Variants in RUFY1 observed in about 807,000 individuals in gnomAD.
The protein encoded by RUFY1 is RUN and FYVE domain-containing protein 1.
Under a neutral mutation model 94.6 loss-of-function variants are expected in RUFY1, and 54 were observed. The observed-to-expected ratio is 0.57, with a 90% confidence interval of 0.46 to 0.72. The LOEUF is 0.72. Among genes scored for constraint, RUFY1 ranks in the 30% least tolerant of loss-of-function variants. The probability of loss-of-function intolerance (pLI) is 0.00; values close to 1 mark genes in which losing one functional copy is unlikely to be tolerated. For synonymous variants in RUFY1, 396 were observed against 347.3 expected, an observed-to-expected ratio of 1.14 and a Z score of -1.56; for missense variants, 883 against 883.9, an observed-to-expected ratio of 1.00 and a Z score of 0.01.
chr5:179,605,123 A>G (rs902523967), intron 15 of RUFY1, among the ~76,000 whole-genome samples: 1 of 152,098 alleles, frequency 6.6e-6, no homozygotes, highest in Non-Finnish European at 1.5e-5. Flanking sequence ...TAGAAAAAAT[A>G]CAAAAATTAG....
At chr5:179,590,393 T>C (rs1278517287) in intron 9 of RUFY1, among the ~76,000 whole-genome samples, 1 of 151,880 alleles carries the variant, frequency 6.6e-6, no homozygotes, top group African/African-American at 2.4e-5. Context: ...GACTTCTAAA[T>C]TCACTCAGTG....
At chr5:179,596,451 A>G in intron 12 of RUFY1, 111 bp from the exon 13 acceptor site, 2 of 1,366,936 alleles carry the variant, frequency 1.5e-6, no homozygotes, top group Admixed American at 3.4e-5. Flanking sequence ...TAAAACTCAC[A>G]AGAGTTAATT....
chr5:179,567,405 T>G, intron 3 of RUFY1, 56 bp from the exon 4 acceptor site: 2 of 1,323,044 alleles, frequency 1.5e-6, no homozygotes, highest in South Asian at 2.4e-5. Flanking sequence ...ATCAGGTGTC[T>G]TTTCTGTGTT....
At chr5:179,579,174 T>C (rs924134473) in intron 6 of RUFY1, among the ~76,000 whole-genome samples, 1 of 152,172 alleles carries the variant, frequency 6.6e-6, no homozygotes, top group African/African-American at 2.4e-5. Flanking sequence ...TCTGAGTGCC[T>C]GGCAGTGCAC....
chr5:179,591,803 A>G (rs1444739468), intron 10 of RUFY1, 62 bp downstream of exon 10: 2 of 968,780 alleles, frequency 2.1e-6, no homozygotes, highest in African/African-American at 1.7e-5. Flanking sequence ...TTCTGTCAAC[A>G]CTTTTCATAG....
intron 5 of RUFY1, among the ~76,000 whole-genome samples, chr5:179,572,954 G>A (rs1763332286): frequency 6.6e-6 from 1 of 152,194 alleles, no homozygotes; most frequent in Admixed American, 6.5e-5. Context: ...ATAGTGTGAA[G>A]TAGGAATCTA....
chr5:179,598,908 C>G, intron 14 of RUFY1, 87 bp downstream of exon 14: 1 of 1,489,408 alleles, frequency 6.7e-7, no homozygotes, highest in East Asian at 2.3e-5. Context: ...CTCCCCGCAC[C>G]CTTTGTGTGG....
In RUFY1 at chr5:179,569,365, G is replaced by A; in HGVS notation, c.768G>A (p.Leu256=). The A allele has an allele frequency of 1.9e-6, 3 of 1,613,644 alleles. No homozygotes were observed. The highest frequency in any genetic ancestry group is 2.5e-6 in the Non-Finnish European group (3 of 1,179,960). ...EEEGMVIVGL[L]VGLNVLDANL... is the part of the protein sequence containing the mutation. The stretch of plus-strand genomic sequence containing the variant: ...AAGGGATGGTGATTGTTGGTCTGCT[G>A]GTGGGACTCAATGTTCTCGATGCCA... Residue 256 remains leucine (L), a synonymous_variant, in exon 5 of 18, where the codon CTG becomes CTA. Transcript: ENST00000319449.
At chr5:179,589,974 T>A (rs1450276366) in intron 9 of RUFY1, among the ~76,000 whole-genome samples, 1 of 152,122 alleles carries the variant, frequency 6.6e-6, no homozygotes, top group East Asian at 1.9e-4. Flanking sequence ...TTCCCATTGC[T>A]CTTTGTGTCC....
chr5:179,609,563 C>CTG lies in RUFY1; in HGVS notation c.*47_*48dup, dbSNP rs1562136319. ...ACAGCCTCACGGACAGTGCCAAACC[C>CTG]TGTGGGTCTCCAGGGGCTTGGGAAA... On this transcript the variant is annotated 3_prime_UTR_variant, in exon 18 of 18. Transcript: ENST00000319449. 1 of 1,522,096 alleles carries CTG rather than the reference C, an allele frequency of 6.6e-7. No individual in the cohort carries two copies. Among genetic ancestry groups the CTG allele is most frequent in the East Asian group, 2.4e-5 (1 of 40,992 alleles). 94.3% of individuals were successfully genotyped at this position (1,522,096 alleles called of 1,614,324 possible). A position where few individuals can be genotyped will look rare whatever the true frequency, so the allele number is the denominator to read the frequency against.
At position 179,596,643 on chromosome 5, in the gene RUFY1, C is replaced by T. The variant is rs775220160; in HGVS notation, c.1593C>T (p.Gly531=). ...AGCAGGAGCTGGGCGGGAGGATCGG[C>T]GCCCTGCAGCTGCAGCTCTCCCAGC... The part of the protein sequence containing the change: ...KLQQELGGRI[G]ALQLQLSQLH... The change falls in exon 13 of 18, where the codon GGC becomes GGT. Residue 531 remains glycine, a synonymous_variant. Transcript: ENST00000319449. 5 of 1,609,530 alleles carry T rather than the reference C, an allele frequency of 3.1e-6. No homozygotes were observed. Among genetic ancestry groups the T allele is most frequent in the African/African-American group, 2.7e-5 (2 of 74,752 alleles).
At chr5:179,569,767 C>T (rs139189743) in intron 5 of RUFY1, among the ~76,000 whole-genome samples, 30 of 152,068 alleles carry the variant, frequency 2.0e-4, no homozygotes, top group African/African-American at 7.0e-4. Context: ...TTTTTTGAGA[C>T]GGAGTCTCGT....
intron 13 of RUFY1, 38 bp downstream of exon 13, chr5:179,596,719 T>C (rs748411187): frequency 6.6e-6 from 9 of 1,359,010 alleles, no homozygotes; most frequent in Non-Finnish European, 8.6e-6. Flanking sequence ...GGGGTGTGGC[T>C]CAGGAGGGAC....
chr5:179,563,535 C>G (rs983928153), intron 3 of RUFY1, among the ~76,000 whole-genome samples: 5 of 152,220 alleles, frequency 3.3e-5, no homozygotes, highest in Non-Finnish European at 5.9e-5. Flanking sequence ...CTCCAAATCC[C>G]ATGAAACTCC....
Position 179,594,887 on chromosome 5 carries a change from C to A in RUFY1, c.1435C>A (p.Gln479Lys). Residue 479 changes from glutamine (Q) to lysine (K), a missense_variant, in exon 12 of 18, where the codon CAG becomes AAG. By Grantham distance (53) the Gln-to-Lys change is moderately conservative (BLOSUM62 1). Transcript: ENST00000319449. ...GTAGAATGCAGAGAGCAGTTTGCAG[C>A]AGAAGAATGAAGCCATCACATCCTT... ...KAQNAESSLQ[Q>K]KNEAITSFEG... 6.2e-7 allele frequency: 1 copy of A among 1,612,502 alleles called. No homozygotes were observed. The highest frequency in any genetic ancestry group is 8.5e-7 in the Non-Finnish European group (1 of 1,179,180).
chr5:179,568,105 A>T (rs1161031390), intron 4 of RUFY1, among the ~76,000 whole-genome samples: 1 of 150,948 alleles, frequency 6.6e-6, no homozygotes, highest in Non-Finnish European at 1.5e-5. Context: ...TTAGCTGGGC[A>T]TGGTGGCATA....
chr5:179,598,593 A>G (rs1408468054), intron 13 of RUFY1, 99 bp from the exon 14 acceptor site: 2 of 1,422,788 alleles, frequency 1.4e-6, no homozygotes, highest in East Asian at 4.6e-5. Context: ...TCAAGAGGCA[A>G]TTCAGAGACT....
intron 7 of RUFY1, among the ~76,000 whole-genome samples, chr5:179,585,477 G>A (rs1367451674): frequency 6.6e-6 from 1 of 152,188 alleles, no homozygotes; most frequent in African/African-American, 2.4e-5. Context: ...TATTCGGGAG[G>A]CTGAGGCTGG....
chr5:179,602,177 T>A (rs999488224), intron 15 of RUFY1, 191 bp downstream of exon 15: 4 of 580,374 alleles, frequency 6.9e-6, no homozygotes, highest in Non-Finnish European at 1.2e-5. Context: ...GCTACCCACA[T>A]GGGGTGTCAG....
Sources: allele counts gnomAD v4.1 joint callset (sites outside exome capture counted in the v4.1 genomes callset), GRCh38; gene constraint gnomAD v4.1.1; transcripts MANE v1.5; gene names NCBI Gene and HGNC (gene_info 2026-07-23, HGNC 2026-07-21).